MAPT: variants seen among roughly 807,000 people sequenced by gnomAD.
The protein encoded by MAPT is microtubule-associated protein tau.
A neutral mutation model predicts 67.9 loss-of-function variants in MAPT; 34 were observed. That is an observed-to-expected ratio of 0.50 (90% CI 0.38 to 0.67). The LOEUF is 0.67. MAPT is among the 30% of genes least tolerant of loss of function. MAPT has a pLI of 0.00. For missense variants in MAPT, 881 were observed against 1,115.2 expected, an observed-to-expected ratio of 0.79 and a Z score of 2.99; for synonymous variants, 456 against 464.5, an observed-to-expected ratio of 0.98 and a Z score of 0.23.
intron 1 of MAPT, among the ~76,000 whole-genome samples, chr17:45,903,973 TTATATATTATATATTTA>T (rs2063904511): frequency 1.2e-4 from 2 of 16,212 alleles, no homozygotes; most frequent in African/African-American, 1.7e-4. Context: ...ATATTATATA[TTATATATTATATATTTA>T]TATATATTAT....
intron 1 of MAPT, among the ~76,000 whole-genome samples, chr17:45,924,454 C>T (rs994303162): frequency 6.6e-6 from 1 of 152,230 alleles, no homozygotes; most frequent in Non-Finnish European, 1.5e-5. Flanking sequence ...CTCCACTCCT[C>T]TTTGCTGTCC....
intron 8 of MAPT, chr17:45,994,045 T>G: frequency 6.8e-7 from 1 of 1,468,770 alleles, no homozygotes; most frequent in Non-Finnish European, 9.2e-7. Context: ...TGGCTTGTGT[T>G]TCTAGAGCCG....
chr17:45,924,685 C>T (rs1333803692), intron 1 of MAPT, among the ~76,000 whole-genome samples: 3 of 152,232 alleles, frequency 2.0e-5, no homozygotes, highest in Admixed American at 6.5e-5. Context: ...CTGCTCCTGC[C>T]CACTTGGAAT....
At chr17:45,927,188 A>G (rs1467560100) in intron 1 of MAPT, among the ~76,000 whole-genome samples, 1 of 152,148 alleles carries the variant, frequency 6.6e-6, no homozygotes, top group Non-Finnish European at 1.5e-5. Context: ...AAGGCATGCC[A>G]GTCTACCCCA....
intron 1 of MAPT, among the ~76,000 whole-genome samples, chr17:45,911,246 C>T (rs181454616): frequency 1.7e-4 from 26 of 152,330 alleles, no homozygotes; most frequent in Non-Finnish European, 3.1e-4. Context: ...GTCTTCTGTG[C>T]CGGGCATAGC....
intron 1 of MAPT, among the ~76,000 whole-genome samples, chr17:45,941,688 T>TTCCTTCCCTCCTTCCTTCCTTCCCTCCC (rs1491426788): frequency 8.5e-5 from 5 of 58,502 alleles, no homozygotes; most frequent in Non-Finnish European, 1.6e-4. Flanking sequence ...CCCTCCTTCC[T>TTCCTTCCCTCCTTCCTTCCTTCCCTCCC]TCCTTCCTTC....
At chr17:45,941,671 C>T (rs2067914939) in intron 1 of MAPT, among the ~76,000 whole-genome samples, 1 of 109,902 alleles carries the variant, frequency 9.1e-6, no homozygotes, top group African/African-American at 3.8e-5. Flanking sequence ...TCCCCCCTTC[C>T]CCCCTTCCCT....
intron 1 of MAPT, among the ~76,000 whole-genome samples, chr17:45,935,004 T>C (rs2067193899): frequency 6.6e-6 from 1 of 152,184 alleles, no homozygotes; most frequent in African/African-American, 2.4e-5. Flanking sequence ...TTTGTCTTTT[T>C]CTGGCTGGAA....
At chr17:45,904,263 T>A (rs1597851657) in intron 1 of MAPT, among the ~76,000 whole-genome samples, 1 of 54,622 alleles carries the variant, frequency 1.8e-5, no homozygotes, top group Non-Finnish European at 3.5e-5. Flanking sequence ...TATTATATAT[T>A]ATATATATTT....
At chr17:45,961,405 G>C (rs1386493606) in intron 1 of MAPT, among the ~76,000 whole-genome samples, 1 of 152,170 alleles carries the variant, frequency 6.6e-6, no homozygotes, top group Non-Finnish European at 1.5e-5. Context: ...CACCAGGAGA[G>C]CCACCGTTGG....
At chr17:45,917,199 C>T (rs1171552360) in intron 1 of MAPT, among the ~76,000 whole-genome samples, 1 of 152,238 alleles carries the variant, frequency 6.6e-6, no homozygotes, top group Non-Finnish European at 1.5e-5. Context: ...GTCTTTGCTT[C>T]AGTGTCTTTG....
intron 1 of MAPT, among the ~76,000 whole-genome samples, chr17:45,934,714 A>T (rs2067162979): frequency 1.3e-5 from 2 of 152,184 alleles, no homozygotes; most frequent in African/African-American, 4.8e-5. Context: ...GGTGCAGCGG[A>T]TAGAACTCTG....
intron 11 of MAPT, among the ~76,000 whole-genome samples, chr17:46,014,612 C>T (rs549536167): frequency 2.6e-5 from 4 of 152,190 alleles, no homozygotes; most frequent in Non-Finnish European, 5.9e-5. Flanking sequence ...CTGTGGCTCA[C>T]GCCTGTAATT....
rs531003363 is a variant in MAPT, at chr17:45,915,214, G to A, written c.-18+20528G>A. ...TAGAGACTGGAGTGCGTGTGTGTGC[G>A]CGCAAAGTGTGGGGGGATGGGGGTG... On this transcript the variant is annotated intron_variant, in intron 1 of 12. Transcript: ENST00000262410. The surrounding 1 kb of genome is among the most constrained non-coding windows in gnomAD (Gnocchi z 4.4). Among the ~76,000 whole-genome samples, 12 of 151,866 alleles carry A rather than the reference G, an allele frequency of 7.9e-5. No individual in the cohort carries two copies. Among genetic ancestry groups the A allele is most frequent in the East Asian group, 1.9e-4 (1 of 5,140 alleles).
chr17:45,931,760 A>G (rs929669308), intron 1 of MAPT: 7 of 152,214 alleles, frequency 4.6e-5, no homozygotes, highest in African/African-American at 7.2e-5. Flanking sequence ...TGTGGTTCAC[A>G]TGCTGTCTCA....
At chr17:45,977,469 TCAA>T (rs2072488961) in intron 3 of MAPT, 2 of 152,278 alleles carry the variant, frequency 1.3e-5, no homozygotes, top group African/African-American at 4.8e-5. Flanking sequence ...TCAATGCATG[TCAA>T]CGTGGCCAAC....
chr17:45,950,276 C>T (rs2068928262), intron 1 of MAPT, among the ~76,000 whole-genome samples: 1 of 152,192 alleles, frequency 6.6e-6, no homozygotes, highest in South Asian at 2.1e-4. Context: ...CCCAGGGTCA[C>T]CTTGGAGGTG....
At position 46,010,039 on chromosome 17, in the gene MAPT, A is replaced by G. The variant is rs1383307314; in HGVS notation, c.1999-271A>G. On this transcript the variant is annotated intron_variant, in intron 9 of 12. Coordinates refer to ENST00000262410, the MANE Select transcript of MAPT (RefSeq NM_001377265.1). This position sits in a 1 kb window ranked among gnomAD's most constrained non-coding sequence, Gnocchi z 4.7. ...TCCTTTTGTGAAGTGAGGACCTGCA[A>G]TCCCAGCTTCGTAAAGCCCGCTGGA... is the stretch of plus-strand genomic sequence containing the variant. 1.3e-5 allele frequency among the ~76,000 whole-genome samples: 2 copies of G among 152,150 alleles called. No individual in the cohort carries two copies. The highest frequency in any genetic ancestry group is 2.9e-5 in the Non-Finnish European group (2 of 68,022).
In MAPT at chr17:45,996,423, G is replaced by A. The variant is rs143334682; in HGVS notation, c.1757G>A (p.Arg586His). The change falls in exon 9 of 13, where the codon CGC becomes CAC. Residue 586 changes from arginine (R) to histidine (H), a missense_variant. Around this residue, in one of 6 missense-constraint regions of MAPT, gnomAD observed 33 missense variants for 76.0 expected, o/e 0.43. Transcript: ENST00000262410. The surrounding 1 kb of genome is among the most constrained non-coding windows in gnomAD (Gnocchi z 4.5). ...SSGEPPKSGD[R>H]SGYSSPGSPG... ...GGTGAACCTCCAAAATCAGGGGATC[G>A]CAGCGGCTACAGCAGCCCCGGCTCC... The A allele has an allele frequency of 2.6e-5, 42 of 1,612,572 alleles. No individual in the cohort carries two copies. The highest frequency in any genetic ancestry group is 3.2e-5 in the Non-Finnish European group (38 of 1,179,968).
Sources: allele counts gnomAD v4.1 joint callset (sites outside exome capture counted in the v4.1 genomes callset), GRCh38; gene constraint gnomAD v4.1.1; regional missense constraint gnomAD v4.1.1; non-coding constraint Gnocchi (gnomAD v3.1); transcripts MANE v1.5; gene names NCBI Gene and HGNC (gene_info 2026-07-23, HGNC 2026-07-21).